Variants in BARX2 observed in about 807,000 individuals in gnomAD.
BARX2 encodes BARX homeobox 2, also known as homeobox protein BarH-like 2.
Under a neutral mutation model 25.5 loss-of-function variants are expected in BARX2, and 11 were observed. The observed-to-expected ratio is 0.43, with a 90% confidence interval of 0.27 to 0.71. BARX2 has a LOEUF of 0.71. Among genes scored for constraint, BARX2 ranks in the 30% least tolerant of loss-of-function variants. The pLI, the probability that BARX2 is intolerant of heterozygous loss-of-function variation, is 0.19. For missense variants in BARX2, 360 were observed against 359.9 expected (o/e 1.00, Z 0.00); for synonymous variants, 137 against 149.5 (o/e 0.92, Z 0.61).
At chr11:129,382,928 C>T (rs1032429536) in intron 1 of BARX2, among the ~76,000 whole-genome samples, 1 of 152,164 alleles carries the variant, frequency 6.6e-6, no homozygotes, top group Non-Finnish European at 1.5e-5. Flanking sequence ...AGACTGCAAG[C>T]GTGGAGAAGC....
At chr11:129,449,801 G>A (rs1233907721) in intron 3 of BARX2, among the ~76,000 whole-genome samples, 6 of 152,188 alleles carry the variant, frequency 3.9e-5, no homozygotes. Context: ...GGCTGAGTGA[G>A]AGGGGCAGCA....
At chr11:129,378,631 A>G (rs1861529939) in intron 1 of BARX2, among the ~76,000 whole-genome samples, 1 of 150,082 alleles carries the variant, frequency 6.7e-6, no homozygotes, top group African/African-American at 2.4e-5. Flanking sequence ...GCAATGCATA[A>G]AAAGTTCAAG....
intron 1 of BARX2, among the ~76,000 whole-genome samples, chr11:129,396,249 G>A (rs778192824): frequency 8.5e-5 from 13 of 152,072 alleles, no homozygotes; most frequent in Non-Finnish European, 1.9e-4. Flanking sequence ...TAAACTGCTC[G>A]TGTTTCTTTA....
intron 1 of BARX2, among the ~76,000 whole-genome samples, chr11:129,423,482 G>A (rs1347704754): frequency 6.6e-6 from 1 of 152,120 alleles, no homozygotes; most frequent in Non-Finnish European, 1.5e-5. Flanking sequence ...GACCCAGGGG[G>A]CCACATGCAG....
intron 1 of BARX2, among the ~76,000 whole-genome samples, chr11:129,395,888 T>C (rs542148801): frequency 1.4e-4 from 22 of 152,138 alleles, no homozygotes; most frequent in Non-Finnish European, 2.5e-4. Context: ...GTGCTCAGGG[T>C]TTGCTATAGA....
chr11:129,397,676 C>G (rs148706774), intron 1 of BARX2, among the ~76,000 whole-genome samples: 5 of 152,206 alleles, frequency 3.3e-5, no homozygotes, highest in Non-Finnish European at 7.3e-5. Context: ...CCCCTGCCCT[C>G]GTTCTTGTGG....
chr11:129,382,760 C>A (rs1021660928), intron 1 of BARX2, among the ~76,000 whole-genome samples: 1 of 152,120 alleles, frequency 6.6e-6, no homozygotes, highest in Admixed American at 6.5e-5. Flanking sequence ...GCTCTAGGGA[C>A]GCACTCACAG....
intron 1 of BARX2, among the ~76,000 whole-genome samples, chr11:129,431,818 T>C (rs574214728): frequency 1.3e-5 from 2 of 152,040 alleles, no homozygotes; most frequent in Non-Finnish European, 2.9e-5. Flanking sequence ...TGCATCATGC[T>C]TTTGGTGTCA....
At position 129,390,476 on chromosome 11, in the gene BARX2, A is replaced by G. The variant is rs1192372469; in HGVS notation, c.187+14254A>G. Among the ~76,000 whole-genome samples the G allele has an allele frequency of 6.6e-6, 1 of 152,148 alleles. No homozygotes were observed. Among genetic ancestry groups the G allele is most frequent in the East Asian group, 1.9e-4 (1 of 5,194 alleles). On this transcript the variant is annotated intron_variant, in intron 1 of 3. Coordinates refer to ENST00000281437, the MANE Select transcript of BARX2 (RefSeq NM_003658.5). This position sits in a 1 kb window ranked among gnomAD's most constrained non-coding sequence, Gnocchi z 4.3. ...ATTCAGCCTGTGGATTCAGAAAAAC[A>G]AAATGCATATGTTTGTGTTCCAGTA...
At chr11:129,450,572 A>AC (rs1187809618) in intron 3 of BARX2, among the ~76,000 whole-genome samples, 2 of 152,128 alleles carry the variant, frequency 1.3e-5, no homozygotes, top group East Asian at 1.9e-4. Context: ...TTAGGATATC[A>AC]CCCCCCTCCA....
At chr11:129,428,485 C>CT (rs1862092408) in intron 1 of BARX2, among the ~76,000 whole-genome samples, 1 of 152,092 alleles carries the variant, frequency 6.6e-6, no homozygotes, top group Non-Finnish European at 1.5e-5. Flanking sequence ...TTTCACAGTA[C>CT]TTTTTTGCAA....
intron 1 of BARX2, among the ~76,000 whole-genome samples, chr11:129,403,766 G>T (rs1333724605): frequency 6.6e-6 from 1 of 152,138 alleles, no homozygotes; most frequent in Non-Finnish European, 1.5e-5. Context: ...TGTTGCCCAG[G>T]CTGGAGTACA....
At chr11:129,429,007 G>GTTT (rs57076671) in intron 1 of BARX2, among the ~76,000 whole-genome samples, 3 of 130,648 alleles carry the variant, frequency 2.3e-5, no homozygotes, top group South Asian at 2.5e-4. Context: ...TAGAAGTTGT[G>GTTT]TTTTTTTTTT....
chr11:129,430,883 A>G (rs753043879), intron 1 of BARX2, among the ~76,000 whole-genome samples: 1 of 152,158 alleles, frequency 6.6e-6, no homozygotes, highest in Non-Finnish European at 1.5e-5. Context: ...TTTTTTTGAA[A>G]CAGAGTCTTG....
chr11:129,378,570 T>TC (rs1474208568), intron 1 of BARX2, among the ~76,000 whole-genome samples: 113 of 146,578 alleles, frequency 7.7e-4, no homozygotes, highest in Admixed American at 2.7e-4. Context: ...TTTCTTTTTT[T>TC]TTTTTTTTTT....
intron 1 of BARX2, among the ~76,000 whole-genome samples, chr11:129,396,812 C>T (rs1861725297): frequency 6.6e-6 from 1 of 152,076 alleles, no homozygotes; most frequent in African/African-American, 2.4e-5. Flanking sequence ...TCTCCTAGAA[C>T]CCCTGAACTC....
intron 1 of BARX2, among the ~76,000 whole-genome samples, chr11:129,393,831 G>A (rs1392135619): frequency 1.3e-5 from 2 of 152,146 alleles, no homozygotes; most frequent in Non-Finnish European, 2.9e-5. Context: ...TAGACAGGGT[G>A]GCTCATGCCT....
At chr11:129,382,082 G>A (rs1191347783) in intron 1 of BARX2, among the ~76,000 whole-genome samples, 2 of 152,242 alleles carry the variant, frequency 1.3e-5, no homozygotes, top group Non-Finnish European at 2.9e-5. Flanking sequence ...GCAATTTTAG[G>A]TGTTATTTGC....
At chr11:129,444,582 T>C (rs2135416128) in intron 3 of BARX2, among the ~76,000 whole-genome samples, 1 of 152,302 alleles carries the variant, frequency 6.6e-6, no homozygotes, top group Admixed American at 6.5e-5. Context: ...TATGATGTAG[T>C]CAGAGAAACA....
Sources: allele counts gnomAD v4.1 joint callset (sites outside exome capture counted in the v4.1 genomes callset), GRCh38; gene constraint gnomAD v4.1.1; non-coding constraint Gnocchi (gnomAD v3.1); transcripts MANE v1.5; gene names NCBI Gene and HGNC (gene_info 2026-07-23, HGNC 2026-07-21).